The following MAP1B variants were observed in gnomAD, a reference collection of about 807,000 sequenced individuals.
The protein encoded by MAP1B is microtubule associated protein 1B, also known as microtubule-associated protein 1B.
Under a neutral mutation model 176.1 loss-of-function variants are expected in MAP1B, and 12 were observed. The observed-to-expected ratio is 0.07, with a 90% CI of 0.04 to 0.11. MAP1B has a LOEUF of 0.11. Among genes scored for constraint, MAP1B ranks in the 10% least tolerant of loss-of-function variants. The probability of loss-of-function intolerance (pLI) is 1.00; values close to 1 mark genes in which losing one functional copy is unlikely to be tolerated. For missense variants in MAP1B, 2,523 were observed against 2,990.5 expected, an observed-to-expected ratio of 0.84 and a Z score of 3.65; for synonymous variants, 1,044 against 1,135.0, an observed-to-expected ratio of 0.92 and a Z score of 1.61.
At chr5:72,192,309 C>G (rs111690477) in intron 4 of MAP1B, among the ~76,000 whole-genome samples, 124 of 152,350 alleles carry the variant, frequency 8.1e-4, no homozygotes, top group African/African-American at 2.9e-3. Context: ...CCTGTCCCCT[C>G]TACCCAAAGA....
rs541300715 is a variant in MAP1B, at chr5:72,200,120, T to C, written c.6765T>C (p.Ser2255=). ...AGCCAGGTACAAAGACCAAGTCATC[T>C]TCACCTGTCAAAAAGAGTGATGGGA... is the stretch of plus-strand genomic sequence containing the variant. ...TKKPGTKTKS[S]SPVKKSDGKS... is the part of the protein sequence containing the mutation. The change falls in exon 5 of 7, where the codon TCT becomes TCC. Residue 2255 remains serine (S), a synonymous_variant. Transcript: ENST00000296755. 2 of 1,614,244 alleles carry C rather than the reference T, an allele frequency of 1.2e-6. No individual in the cohort carries two copies. Among genetic ancestry groups the C allele is most frequent in the African/African-American group, 1.3e-5 (1 of 75,058 alleles).
At position 72,199,045 on chromosome 5, in the gene MAP1B, G is replaced by A. The variant is rs781044243; in HGVS notation, c.5690G>A (p.Arg1897Gln). 11 of 1,614,054 alleles carry A rather than the reference G, an allele frequency of 6.8e-6. No homozygotes were observed. The highest frequency in any genetic ancestry group is 1.6e-4 in the Middle Eastern group (1 of 6,062). ...YDYESYEKTT[R>Q]TSDVGGYYYE... Reference sequence around the variant, plus strand: ...TATGAGTCTTATGAGAAGACCACCCGGACCTCAGATGTGGGTGGCTATTAC... The same window carrying A: ...TATGAGTCTTATGAGAAGACCACCCAGACCTCAGATGTGGGTGGCTATTAC... The change falls in exon 5 of 7, where the codon CGG (arginine) becomes CAG (glutamine). Residue 1897 changes from arginine to glutamine, a missense_variant. Arg to Gln is a conservative substitution (Grantham distance 43). Transcript: ENST00000296755. This position sits in a 1 kb window ranked among gnomAD's most constrained non-coding sequence, Gnocchi z 4.2.
At chr5:72,181,313 T>C (rs1746761930) in intron 2 of MAP1B, among the ~76,000 whole-genome samples, 1 of 152,100 alleles carries the variant, frequency 6.6e-6, no homozygotes, top group South Asian at 2.1e-4. Flanking sequence ...CTTCCTGATA[T>C]AAAGGAAAAA....
At chr5:72,183,591 C>A in intron 2 of MAP1B, 152 bp from the exon 3 acceptor site, 1 of 609,178 alleles carries the variant, frequency 1.6e-6, no homozygotes, top group South Asian at 2.0e-5. Context: ...TTTAATAGCA[C>A]CAATTGTGTT....
intron 2 of MAP1B, 181 bp downstream of exon 2, chr5:72,115,980 G>A: frequency 1.9e-6 from 1 of 531,712 alleles, no homozygotes; most frequent in Non-Finnish European, 3.4e-6. Context: ...TTATCACTGT[G>A]TGGGTTATCT....
intron 1 of MAP1B, among the ~76,000 whole-genome samples, chr5:72,110,968 A>G (rs993640939): frequency 6.6e-6 from 1 of 152,174 alleles, no homozygotes; most frequent in African/African-American, 2.4e-5. Context: ...GCATAATGAA[A>G]GCTTTGGACA....
chr5:72,158,659 A>G (rs1234470243), intron 2 of MAP1B, among the ~76,000 whole-genome samples: 1 of 152,222 alleles, frequency 6.6e-6, no homozygotes, highest in Non-Finnish European at 1.5e-5. Flanking sequence ...TGAGACCCAA[A>G]TCCTGGGCTC....
At chr5:72,138,736 A>G (rs1185940814) in intron 2 of MAP1B, among the ~76,000 whole-genome samples, 1 of 152,214 alleles carries the variant, frequency 6.6e-6, no homozygotes, top group Non-Finnish European at 1.5e-5. Context: ...TGTAATGTTG[A>G]GTGACAAGGG....
At chr5:72,201,062 G>C (rs1429886267) in intron 5 of MAP1B, among the ~76,000 whole-genome samples, 3 of 152,104 alleles carry the variant, frequency 2.0e-5, no homozygotes, top group African/African-American at 7.2e-5. Context: ...TGCTATTTCA[G>C]ATTAAAATTC....
chr5:72,153,563 A>G (rs1407244579), intron 2 of MAP1B, among the ~76,000 whole-genome samples: 1 of 151,836 alleles, frequency 6.6e-6, no homozygotes, highest in Non-Finnish European at 1.5e-5. Context: ...TTGGAATTGA[A>G]TCCTGGTGGG....
At chr5:72,141,785 G>A (rs1024937352) in intron 2 of MAP1B, among the ~76,000 whole-genome samples, 1 of 152,186 alleles carries the variant, frequency 6.6e-6, no homozygotes, top group Admixed American at 6.5e-5. Context: ...AAAGCCTAAG[G>A]CAGTGATATC....
intron 2 of MAP1B, among the ~76,000 whole-genome samples, chr5:72,134,129 A>G (rs889060811): frequency 6.6e-5 from 10 of 152,246 alleles, no homozygotes; most frequent in African/African-American, 2.4e-4. Context: ...TTGTGTGTGT[A>G]CATGTTGTCT....
At position 72,197,537 on chromosome 5, in the gene MAP1B, T is replaced by C; in HGVS notation, c.4182T>C (p.Val1394=). The C allele has an allele frequency of 6.2e-7, 1 of 1,614,176 alleles. No homozygotes were observed. The highest frequency in any genetic ancestry group is 2.2e-5 in the East Asian group (1 of 44,880). Residue 1394 remains valine (V), a synonymous_variant, in exon 5 of 7, where the codon GTT becomes GTC. Coordinates refer to ENST00000296755, the MANE Select transcript of MAP1B (RefSeq NM_005909.5). ...ACTCAGAGTCTCCTATTGAAAAAGT[T>C]TTGTCTCCTTTACGCAGCCCGCCCC... The part of the protein sequence containing the change: ...VPDSESPIEK[V]LSPLRSPPLI...
At chr5:72,112,781 G>A (rs1018761823) in intron 1 of MAP1B, among the ~76,000 whole-genome samples, 1 of 152,234 alleles carries the variant, frequency 6.6e-6, no homozygotes, top group African/African-American at 2.4e-5. Context: ...CCCCACCTGG[G>A]TAAGCCCAGA....
intron 2 of MAP1B, among the ~76,000 whole-genome samples, chr5:72,182,189 T>C (rs913455883): frequency 6.6e-6 from 1 of 151,986 alleles, no homozygotes; most frequent in Non-Finnish European, 1.5e-5. Flanking sequence ...TTAAAAACAT[T>C]TTCATCACTC....
In MAP1B at chr5:72,194,861, G is replaced by T; in HGVS notation, c.1506G>T (p.Leu502Phe). 1 of 1,614,138 alleles carries T rather than the reference G, an allele frequency of 6.2e-7. No homozygotes were observed. The highest frequency in any genetic ancestry group is 8.5e-7 in the Non-Finnish European group (1 of 1,180,000). ...CCCAGTACAACATCCTGGAAGGGTT[G>T]GAAAAGCTCAAACATCTAGACTTTC... Reference protein sequence around the residue: ...NSTQYNILEGLEKLKHLDFLK... With the variant: ...NSTQYNILEGFEKLKHLDFLK... The change falls in exon 5 of 7, where the codon TTG becomes TTT. Residue 502 changes from leucine to phenylalanine, a missense_variant. Coordinates refer to ENST00000296755, the MANE Select transcript of MAP1B (RefSeq NM_005909.5). This position sits in a 1 kb window ranked among gnomAD's most constrained non-coding sequence, Gnocchi z 7.2.
intron 2 of MAP1B, among the ~76,000 whole-genome samples, chr5:72,172,691 TGC>T (rs1306808966): frequency 6.6e-6 from 1 of 152,226 alleles, no homozygotes; most frequent in East Asian, 1.9e-4. Context: ...TGATTACATT[TGC>T]TCCCAAGGGA....
At chr5:72,130,818 G>A (rs10064321) in intron 2 of MAP1B, among the ~76,000 whole-genome samples, 152,180 of 152,336 alleles carry the variant, frequency 1, 76,013 homozygotes, top group Middle Eastern at 1. Context: ...TCCTATTTAT[G>A]TTAATATTCT....
At chr5:72,178,935 A>G (rs1318502868) in intron 2 of MAP1B, among the ~76,000 whole-genome samples, 2 of 152,196 alleles carry the variant, frequency 1.3e-5, no homozygotes, top group African/African-American at 2.4e-5. Flanking sequence ...GGTTCAATTA[A>G]TCTGTCACAT....
Sources: gnomAD v4.1 joint callset for allele counts (sites outside exome capture counted in the v4.1 genomes callset) on GRCh38, gnomAD v4.1.1 for gene constraint, Gnocchi (gnomAD v3.1) non-coding constraint, MANE v1.5 for transcripts, NCBI Gene and HGNC (gene_info 2026-07-23, HGNC 2026-07-21) for gene names.